PCSK5: variants seen among roughly 807,000 people sequenced by gnomAD.
The protein encoded by PCSK5 is proprotein convertase subtilisin/kexin type 5.
Under a neutral mutation model 233.2 loss-of-function variants are expected in PCSK5, and 129 were observed. The observed-to-expected ratio is 0.55, with a 90% CI of 0.48 to 0.64. PCSK5 has a LOEUF of 0.64. PCSK5 is among the 30% of genes least tolerant of loss of function. The pLI, the probability that PCSK5 is intolerant of heterozygous loss-of-function variation, is 0.00. For synonymous variants in PCSK5, 825 were observed against 879.2 expected (o/e 0.94, Z 1.09); for missense variants, 2,076 against 2,430.1 (o/e 0.85, Z 3.06).
chr9:76,327,142 T>C (rs1829387216), intron 32 of PCSK5, among the ~76,000 whole-genome samples: 1 of 150,146 alleles, frequency 6.7e-6, no homozygotes, highest in African/African-American at 2.5e-5. Context: ...GGTCTCACTC[T>C]GTCACCCAGG....
intron 3 of PCSK5, among the ~76,000 whole-genome samples, chr9:75,996,815 GT>G (rs35830280): frequency 3.0e-4 from 43 of 141,392 alleles, no homozygotes; most frequent in Middle Eastern, 3.6e-3. Context: ...TGTTAACAAA[GT>G]TTTTTTTTTT....
intron 34 of PCSK5, among the ~76,000 whole-genome samples, chr9:76,334,670 G>A (rs1343443605): frequency 1.3e-5 from 2 of 152,156 alleles, no homozygotes; most frequent in African/African-American, 4.8e-5. Flanking sequence ...GGCCAAGGTT[G>A]CAGTGAGCCA....
chr9:76,034,251 T>C (rs1828763014), intron 5 of PCSK5, among the ~76,000 whole-genome samples: 1 of 152,104 alleles, frequency 6.6e-6, no homozygotes, highest in Admixed American at 6.6e-5. Context: ...TCAAAAGCCT[T>C]AGACACAAAC....
At chr9:76,285,344 G>A (rs1176841442) in intron 24 of PCSK5, among the ~76,000 whole-genome samples, 1 of 152,178 alleles carries the variant, frequency 6.6e-6, no homozygotes, top group Non-Finnish European at 1.5e-5. Context: ...AATGTTTTAT[G>A]GAACATTTGC....
At chr9:76,211,904 A>G (rs1409051700) in intron 20 of PCSK5, among the ~76,000 whole-genome samples, 1 of 152,056 alleles carries the variant, frequency 6.6e-6, no homozygotes, top group Non-Finnish European at 1.5e-5. Context: ...GGGTTGATAC[A>G]AAATGCTCCT....
chr9:76,157,374 TA>T (rs1822633255), intron 11 of PCSK5, among the ~76,000 whole-genome samples: 1 of 152,154 alleles, frequency 6.6e-6, no homozygotes, highest in Non-Finnish European at 1.5e-5. Context: ...AAAGCATCTT[TA>T]AAAAAGGGAT....
chr9:75,958,957 A>T (rs148886446), intron 2 of PCSK5, among the ~76,000 whole-genome samples: 40 of 152,344 alleles, frequency 2.6e-4, no homozygotes, highest in African/African-American at 9.6e-4. Flanking sequence ...ACATTGTGGC[A>T]CACTGGCCTT....
intron 24 of PCSK5, among the ~76,000 whole-genome samples, chr9:76,269,123 CA>C (rs1827428012): frequency 6.6e-6 from 1 of 152,224 alleles, no homozygotes; most frequent in African/African-American, 2.4e-5. Context: ...CAGCCCCAAC[CA>C]ATTGCTGCAT....
chr9:76,149,910 CT>C (rs1370471062), intron 10 of PCSK5, among the ~76,000 whole-genome samples: 7 of 152,146 alleles, frequency 4.6e-5, no homozygotes, highest in African/African-American at 1.7e-4. Flanking sequence ...TTTTTCTTTT[CT>C]TAAAATGGAT....
At chr9:76,343,039 A>T (rs1587356260) in intron 35 of PCSK5, among the ~76,000 whole-genome samples, 1 of 152,038 alleles carries the variant, frequency 6.6e-6, no homozygotes, top group East Asian at 1.9e-4. Flanking sequence ...TGGTCTTCCT[A>T]CCTTTAGCAT....
chr9:76,192,959 T>C (rs1379634574), intron 20 of PCSK5, among the ~76,000 whole-genome samples: 5 of 148,162 alleles, frequency 3.4e-5, no homozygotes. Flanking sequence ...TATTAATTGA[T>C]TTCTAATTTA....
chr9:76,291,362 A>C (rs953730978), intron 24 of PCSK5, among the ~76,000 whole-genome samples: 5 of 152,216 alleles, frequency 3.3e-5, no homozygotes, highest in African/African-American at 1.2e-4. Flanking sequence ...GGTGACATAA[A>C]ATTTTCACAT....
intron 3 of PCSK5, among the ~76,000 whole-genome samples, chr9:76,022,117 A>G (rs896802074): frequency 6.6e-6 from 1 of 152,206 alleles, no homozygotes; most frequent in Admixed American, 6.5e-5. Flanking sequence ...TGGTGTACTC[A>G]GATCCCTCAG....
chr9:76,233,076 T>G (rs956300369), intron 21 of PCSK5, among the ~76,000 whole-genome samples: 1 of 152,214 alleles, frequency 6.6e-6, no homozygotes, highest in African/African-American at 2.4e-5. Flanking sequence ...AAAGGAAGAA[T>G]ATTTTCTCCA....
intron 24 of PCSK5, among the ~76,000 whole-genome samples, chr9:76,247,278 A>G (rs1159714764): frequency 2.0e-5 from 3 of 152,202 alleles, no homozygotes; most frequent in Admixed American, 6.5e-5. Context: ...CGTAACAAAC[A>G]TGGACCAGAA....
intron 2 of PCSK5, among the ~76,000 whole-genome samples, chr9:75,955,109 G>C (rs556712577): frequency 2.6e-5 from 4 of 152,162 alleles, no homozygotes; most frequent in Non-Finnish European, 5.9e-5. Flanking sequence ...CTGGGCAAGT[G>C]CTGTGCATTC....
At chr9:76,335,244 T>C (rs377197155) in intron 34 of PCSK5, among the ~76,000 whole-genome samples, 3 of 152,178 alleles carry the variant, frequency 2.0e-5, no homozygotes, top group African/African-American at 7.2e-5. Flanking sequence ...GTGATCTAAG[T>C]AGAATGCAGA....
At chr9:76,244,127 G>C (rs1363523993) in intron 24 of PCSK5, among the ~76,000 whole-genome samples, 1 of 152,172 alleles carries the variant, frequency 6.6e-6, no homozygotes, top group Non-Finnish European at 1.5e-5. Flanking sequence ...TCAGGAAGTT[G>C]AGGTGGGAGG....
At chr9:75,941,821 A>G (rs1344792584) in intron 2 of PCSK5, among the ~76,000 whole-genome samples, 4 of 152,246 alleles carry the variant, frequency 2.6e-5, no homozygotes, top group South Asian at 2.1e-4. Flanking sequence ...TCCCTGTCCT[A>G]TCGGTTTTGT....
Sources: allele counts gnomAD v4.1 joint callset (sites outside exome capture counted in the v4.1 genomes callset), GRCh38; gene constraint gnomAD v4.1.1; transcripts MANE v1.5; gene names NCBI Gene and HGNC (gene_info 2026-07-23, HGNC 2026-07-21).